Variants in DIAPH2 observed in about 807,000 individuals in gnomAD.
The protein encoded by DIAPH2 is protein diaphanous homolog 2.
DIAPH2 carries 35 observed loss-of-function variants against 92.7 expected under a neutral mutation model. The observed-to-expected ratio is 0.38, with a 90% CI of 0.29 to 0.50. The LOEUF (loss-of-function observed/expected upper bound fraction) is 0.50. DIAPH2 is among the 20% of genes least tolerant of loss of function. DIAPH2 has a pLI of 0.94. For synonymous variants in DIAPH2, 301 were observed against 280.4 expected, an observed-to-expected ratio of 1.07 and a Z score of -0.73; for missense variants, 701 against 819.5, an observed-to-expected ratio of 0.86 and a Z score of 1.77.
chrX:97,379,186 G>A (rs1472506279), intron 24 of DIAPH2, among the ~76,000 whole-genome samples: 1 of 111,205 alleles, frequency 9.0e-6, no homozygotes, highest in Non-Finnish European at 1.9e-5. Context: ...CAATATTATG[G>A]TACAGTTGAA....
At chrX:96,963,010 T>C (rs1009942453) in intron 16 of DIAPH2, among the ~76,000 whole-genome samples, 3 of 112,000 alleles carry the variant, frequency 2.7e-5, no homozygotes, top group African/African-American at 9.7e-5. Context: ...GCATTTCTTG[T>C]AGGGCTTGTC....
chrX:96,702,039 A>G (rs1169565560), intron 1 of DIAPH2, among the ~76,000 whole-genome samples: 1 of 112,351 alleles, frequency 8.9e-6, no homozygotes, highest in Non-Finnish European at 1.9e-5. Flanking sequence ...GGCTATATTT[A>G]AAATCTAGAA....
At chrX:97,201,645 C>A (rs762542877) in intron 22 of DIAPH2, among the ~76,000 whole-genome samples, 1 of 109,590 alleles carries the variant, frequency 9.1e-6, no homozygotes, top group Admixed American at 9.9e-5. Context: ...AATGAACAAA[C>A]CCTCCAAGAA....
At chrX:96,933,943 G>T (rs1408358188) in intron 10 of DIAPH2, among the ~76,000 whole-genome samples, 1 of 109,742 alleles carries the variant, frequency 9.1e-6, no homozygotes, top group Non-Finnish European at 1.9e-5. Context: ...ATAGAGACAG[G>T]GTTTCGCCAT....
At chrX:97,371,845 T>G (rs2069450588) in intron 24 of DIAPH2, among the ~76,000 whole-genome samples, 1 of 111,773 alleles carries the variant, frequency 8.9e-6, no homozygotes, top group Non-Finnish European at 1.9e-5. Context: ...CCCAAGATGT[T>G]TTTTCATTAA....
intron 22 of DIAPH2, among the ~76,000 whole-genome samples, chrX:97,163,228 G>T (rs1467413478): frequency 9.0e-6 from 1 of 110,657 alleles, no homozygotes; most frequent in Non-Finnish European, 1.9e-5. Flanking sequence ...GGAGTACATT[G>T]GTGCAATCAT....
chrX:97,528,449 G>A (rs1217027546), intron 26 of DIAPH2: 1 of 112,162 alleles, frequency 8.9e-6, no homozygotes, highest in Non-Finnish European at 1.9e-5. Context: ...TTCTGGTGAG[G>A]GCTTTAGGTT....
At chrX:97,413,174 G>A (rs1056728899) in intron 25 of DIAPH2, among the ~76,000 whole-genome samples, 3 of 111,465 alleles carry the variant, frequency 2.7e-5, no homozygotes, top group African/African-American at 6.5e-5. Context: ...GTGGTAAACC[G>A]AATCCAGCAG....
At chrX:96,998,982 T>C (rs752271337) in intron 17 of DIAPH2, among the ~76,000 whole-genome samples, 1 of 112,418 alleles carries the variant, frequency 8.9e-6, no homozygotes, top group East Asian at 2.8e-4. Flanking sequence ...GTCAATAATG[T>C]CCACTTATTA....
At chrX:96,908,373 T>G (rs1009981224) in intron 5 of DIAPH2, among the ~76,000 whole-genome samples, 4 of 110,800 alleles carry the variant, frequency 3.6e-5, no homozygotes, top group Non-Finnish European at 7.6e-5. Context: ...ATGTCCCTCA[T>G]AAATGTAAGG....
At chrX:97,321,800 C>T (rs1358474744) in intron 23 of DIAPH2, among the ~76,000 whole-genome samples, 1 of 110,913 alleles carries the variant, frequency 9.0e-6, no homozygotes, top group East Asian at 2.8e-4. Context: ...CCGCCCGCCT[C>T]GGCCTCCCAA....
At chrX:97,565,944 G>A (rs1456486462) in intron 26 of DIAPH2, among the ~76,000 whole-genome samples, 1 of 112,016 alleles carries the variant, frequency 8.9e-6, no homozygotes, top group African/African-American at 3.2e-5. Context: ...GGTATTTACT[G>A]CAGGGAAATC....
intron 26 of DIAPH2, among the ~76,000 whole-genome samples, chrX:97,461,912 A>G (rs2070462171): frequency 8.9e-6 from 1 of 111,877 alleles, no homozygotes; most frequent in Non-Finnish European, 1.9e-5. Flanking sequence ...TGACTGTAAT[A>G]ATACCCTTGG....
At chrX:96,765,088 A>G (rs1602489598) in intron 4 of DIAPH2, among the ~76,000 whole-genome samples, 1 of 110,527 alleles carries the variant, frequency 9.0e-6, no homozygotes, top group African/African-American at 3.3e-5. Context: ...GTTACCAGTT[A>G]TCTTGCTCCA....
chrX:97,573,348 T>TA (rs1284644012), intron 26 of DIAPH2, among the ~76,000 whole-genome samples: 95 of 111,686 alleles, frequency 8.5e-4, no homozygotes, highest in African/African-American at 2.9e-3. Context: ...TATATATATA[T>TA]TTTTTGTGAT....
chrX:97,293,458 G>A lies in DIAPH2; in HGVS notation c.2844+45619G>A, dbSNP rs143192813. Among the ~76,000 whole-genome samples the A allele has an allele frequency of 4.3e-3, 471 of 109,509 alleles. 3 individuals are homozygous for A. The highest frequency in any genetic ancestry group is 0.014 in the African/African-American group (410 of 30,267). ...AGTGGAGACGGGGTTTCACCATGTT[G>A]GCCAGGATGGTCTCTGTCTCCTGAC... is the stretch of plus-strand genomic sequence containing the variant. On this transcript the variant is annotated intron_variant, in intron 23 of 26. Transcript: ENST00000324765.
At chrX:97,413,263 A>G (rs1055286784) in intron 25 of DIAPH2, among the ~76,000 whole-genome samples, 1 of 111,570 alleles carries the variant, frequency 9.0e-6, no homozygotes, top group African/African-American at 3.3e-5. Flanking sequence ...ATGCAAATCA[A>G]TGAACATAAT....
intron 25 of DIAPH2, among the ~76,000 whole-genome samples, chrX:97,422,722 A>T (rs550229420): frequency 1.9e-3 from 217 of 112,195 alleles, no homozygotes; most frequent in African/African-American, 6.8e-3. Context: ...ACTGGAATAC[A>T]GTCTTAGGAA....
intron 23 of DIAPH2, among the ~76,000 whole-genome samples, chrX:97,312,597 C>T (rs962787807): frequency 2.7e-5 from 3 of 110,871 alleles, no homozygotes; most frequent in African/African-American, 9.8e-5. Context: ...TGATCTGCCG[C>T]CTCAGCCCTC....
Sources: allele counts gnomAD v4.1 joint callset (sites outside exome capture counted in the v4.1 genomes callset), GRCh38; gene constraint gnomAD v4.1.1; transcripts MANE v1.5; gene names NCBI Gene and HGNC (gene_info 2026-07-23, HGNC 2026-07-21).